The following SPATA13 variants were observed in gnomAD, a reference collection of about 807,000 sequenced individuals.
The protein encoded by SPATA13 is spermatogenesis associated 13, also known as spermatogenesis-associated protein 13.
SPATA13 carries 50 observed loss-of-function variants against 104.0 expected under a neutral mutation model. The ratio of observed to expected loss-of-function variants is 0.48; its 90% confidence interval spans 0.38 to 0.61. SPATA13 has a LOEUF of 0.61. Ranked by LOEUF, SPATA13 falls within the 20% of genes least tolerant of loss-of-function variation. SPATA13 has a pLI of 0.00. For synonymous variants in SPATA13, 606 were observed against 667.5 expected (o/e 0.91, Z 1.42); for missense variants, 1,524 against 1,690.6 (o/e 0.90, Z 1.73).
At chr13:24,275,624 C>T (rs944357315) in intron 4 of SPATA13, among the ~76,000 whole-genome samples, 11 of 152,206 alleles carry the variant, frequency 7.2e-5, no homozygotes, top group Non-Finnish European at 1.3e-4. Context: ...TTCTTGTTTA[C>T]AAGATCGTTT....
chr13:24,187,498 C>T (rs1221850212), intron 1 of SPATA13, among the ~76,000 whole-genome samples: 1 of 152,138 alleles, frequency 6.6e-6, no homozygotes, highest in Non-Finnish European at 1.5e-5. Flanking sequence ...GGAAATTGCA[C>T]CTTTTACAAA....
chr13:24,198,099 G>A (rs991541375), intron 1 of SPATA13, among the ~76,000 whole-genome samples: 7 of 152,156 alleles, frequency 4.6e-5, no homozygotes, highest in African/African-American at 1.2e-4. Context: ...GGATTCAAGC[G>A]ATTCTCCTGC....
chr13:24,282,357 G>A (rs1273875765), intron 4 of SPATA13, among the ~76,000 whole-genome samples: 1 of 152,204 alleles, frequency 6.6e-6, no homozygotes, highest in Non-Finnish European at 1.5e-5. Flanking sequence ...ACGTGGATTT[G>A]CCAAGTCCTT....
At chr13:24,117,472 C>T (rs151026069) in intron 3 of SPATA13, among the ~76,000 whole-genome samples, 2 of 152,306 alleles carry the variant, frequency 1.3e-5, no homozygotes, top group East Asian at 3.9e-4. Context: ...TTAGACAATA[C>T]TTCATCAAAT....
chr13:24,249,451 T>C (rs1374674485), intron 2 of SPATA13, 26 bp from the exon 3 acceptor site: 2 of 1,490,214 alleles, frequency 1.3e-6, no homozygotes, highest in Admixed American at 4.8e-5. Context: ...GATATTGAGC[T>C]CACCTGACCT....
intron 1 of SPATA13, among the ~76,000 whole-genome samples, chr13:24,211,626 C>G (rs1405584908): frequency 6.6e-6 from 1 of 152,024 alleles, no homozygotes; most frequent in Non-Finnish European, 1.5e-5. Context: ...AATCACCTGT[C>G]TCTCCCCTCT....
At chr13:24,123,551 G>C (rs551362362) in intron 3 of SPATA13, 1 of 1,611,388 alleles carries the variant, frequency 6.2e-7, no homozygotes, top group South Asian at 1.1e-5. Flanking sequence ...TAAGAATCTG[G>C]TAACAAAATC....
intron 1 of SPATA13, among the ~76,000 whole-genome samples, chr13:24,172,698 TG>T (rs1461282615): frequency 6.6e-6 from 1 of 151,734 alleles, no homozygotes; most frequent in Non-Finnish European, 1.5e-5. Flanking sequence ...TTATTTACTC[TG>T]TTCTTTTGAT....
intron 2 of SPATA13, among the ~76,000 whole-genome samples, chr13:23,993,039 C>A (rs76938661): frequency 9.8e-4 from 150 of 152,310 alleles, no homozygotes; most frequent in African/African-American, 3.5e-3. Context: ...TGCCTGGGCT[C>A]GGTCCAGGCT....
chr13:24,224,930 T>TA, intron 2 of SPATA13: 1 of 368,280 alleles, frequency 2.7e-6, no homozygotes, highest in Non-Finnish European at 5.2e-6. Flanking sequence ...CTCTGACTCA[T>TA]ATCTTTCTTC....
chr13:24,196,445 T>A (rs1351577629), intron 1 of SPATA13, among the ~76,000 whole-genome samples: 1 of 152,234 alleles, frequency 6.6e-6, no homozygotes, highest in Admixed American at 6.5e-5. Flanking sequence ...CTTTCCACAG[T>A]GTACTAGAAA....
At chr13:24,219,211 T>G (rs1036307397) in intron 1 of SPATA13, among the ~76,000 whole-genome samples, 1 of 152,174 alleles carries the variant, frequency 6.6e-6, no homozygotes, top group African/African-American at 2.4e-5. Context: ...GGTCAAATTA[T>G]TAGTTCTAAA....
At chr13:24,284,413 C>T (rs1204657120) in intron 5 of SPATA13, 142 bp downstream of exon 5, 1 of 987,434 alleles carries the variant, frequency 1.0e-6, no homozygotes, top group Non-Finnish European at 1.4e-6. Flanking sequence ...CACTGTGATT[C>T]ACTTTGGAAG....
intron 2 of SPATA13, among the ~76,000 whole-genome samples, chr13:24,225,235 A>G (rs753788444): frequency 2.0e-5 from 3 of 152,256 alleles, no homozygotes; most frequent in Non-Finnish European, 4.4e-5. Flanking sequence ...GTGAGTGAGC[A>G]TGGAGTCCAG....
intron 2 of SPATA13, among the ~76,000 whole-genome samples, chr13:23,995,363 G>A (rs1388436528): frequency 1.3e-5 from 2 of 152,150 alleles, no homozygotes; most frequent in African/African-American, 4.8e-5. Flanking sequence ...AACGGGATTT[G>A]ACATTAACAT....
Position 24,225,404 on chromosome 13 carries a change from C to T in SPATA13, c.1653+822C>T, listed in dbSNP as rs1220684997. Among the ~76,000 whole-genome samples the T allele has an allele frequency of 1.3e-5, 2 of 152,158 alleles. 1 individual carries two copies. Among genetic ancestry groups the T allele is most frequent in the South Asian group, 4.1e-4 (2 of 4,822 alleles). Reference sequence around the variant, plus strand: ...CGTGTGGACGAGGGGAACGTGGTGACGAGTGAAAGCTCAGAGATACCAGGA... The same window carrying T: ...CGTGTGGACGAGGGGAACGTGGTGATGAGTGAAAGCTCAGAGATACCAGGA... On this transcript the variant is annotated intron_variant, in intron 2 of 12. Coordinates refer to ENST00000382108, the MANE Select transcript of SPATA13 (RefSeq NM_001166271.3).
At chr13:24,291,072 T>A (rs921003942) in intron 9 of SPATA13, among the ~76,000 whole-genome samples, 188 bp downstream of exon 9, 1 of 152,184 alleles carries the variant, frequency 6.6e-6, no homozygotes, top group Non-Finnish European at 1.5e-5. Flanking sequence ...TTGAAGAGCC[T>A]CCAGGATATC....
intron 3 of SPATA13, among the ~76,000 whole-genome samples, chr13:24,086,526 CAA>C (rs150017186): frequency 0.024 from 3,658 of 152,122 alleles, 145 homozygotes; most frequent in African/African-American, 0.084. Flanking sequence ...AGGATGAATT[CAA>C]AAGACAAGTT....
intron 3 of SPATA13, among the ~76,000 whole-genome samples, chr13:24,082,432 A>G (rs1315973446): frequency 3.9e-5 from 6 of 152,278 alleles, no homozygotes; most frequent in Non-Finnish European, 7.4e-5. Flanking sequence ...ATTCACCTTG[A>G]GATGATTGAG....
Sources: gnomAD v4.1 joint callset for allele counts (sites outside exome capture counted in the v4.1 genomes callset) on GRCh38, gnomAD v4.1.1 for gene constraint, MANE v1.5 for transcripts, NCBI Gene and HGNC (gene_info 2026-07-23, HGNC 2026-07-21) for gene names.